Variants in PTPN4 observed in about 807,000 individuals in gnomAD.
The protein encoded by PTPN4 is protein tyrosine phosphatase non-receptor type 4, also known as tyrosine-protein phosphatase non-receptor type 4.
Under a neutral mutation model 135.5 loss-of-function variants are expected in PTPN4, and 49 were observed. That is an observed-to-expected ratio of 0.36 (90% CI 0.29 to 0.46). The LOEUF (loss-of-function observed/expected upper bound fraction) is 0.46, where lower values mean the gene tolerates loss of function less well. PTPN4 is among the 20% of genes least tolerant of loss of function. The probability of loss-of-function intolerance (pLI) is 1.00; values close to 1 mark genes in which losing one functional copy is unlikely to be tolerated. For synonymous variants in PTPN4, 333 were observed against 369.9 expected (o/e 0.90, Z 1.14); for missense variants, 860 against 1,101.0 (o/e 0.78, Z 3.10).
At position 119,877,492 on chromosome 2, in the gene PTPN4, A is replaced by T; in HGVS notation, c.318A>T (p.Arg106Ser). 1 of 1,610,818 alleles carries T rather than the reference A, an allele frequency of 6.2e-7. No homozygotes were observed. The highest frequency in any genetic ancestry group is 2.2e-5 in the East Asian group (1 of 44,752). ...KRGSPYSLNF[R>S]VKFFVSDPNK... Reference sequence around the variant, plus strand: ...GATCTCCTTACAGTTTGAACTTTAGAGTCAAATTTTTTGTAAGTGACCCCA... The same window carrying T: ...GATCTCCTTACAGTTTGAACTTTAGTGTCAAATTTTTTGTAAGTGACCCCA... Residue 106 changes from arginine (R) to serine (S), a missense_variant, in exon 5 of 27, where the codon AGA (arginine) becomes AGT (serine). Coordinates refer to ENST00000263708, the MANE Select transcript of PTPN4 (RefSeq NM_002830.4).
In PTPN4 at chr2:119,811,493, G is replaced by A. The variant is rs151093057; in HGVS notation, c.138+1502G>A. On this transcript the variant is annotated intron_variant, in intron 2 of 26. Coordinates refer to ENST00000263708, the MANE Select transcript of PTPN4 (RefSeq NM_002830.4). Reference sequence around the variant, plus strand: ...GTATTCTATCATCTGTTAATATATAGTTGGAATATAGGTTGCCAAACAGAG... The same window carrying A: ...GTATTCTATCATCTGTTAATATATAATTGGAATATAGGTTGCCAAACAGAG... Among the ~76,000 whole-genome samples the A allele has an allele frequency of 5.9e-4, 90 of 152,180 alleles. No individual in the cohort carries two copies. The East Asian group carries it at 0.016, about 27-fold the overall frequency.
intron 11 of PTPN4, chr2:119,915,953 G>A (rs987437382): frequency 6.6e-6 from 1 of 152,184 alleles, no homozygotes; most frequent in Admixed American, 6.6e-5. Flanking sequence ...CACTTTGAGA[G>A]GCTGAGGTGG....
chr2:119,946,650 A>G, intron 18 of PTPN4, 76 bp downstream of exon 18: 1 of 1,135,792 alleles, frequency 8.8e-7, no homozygotes, highest in South Asian at 1.4e-5. Context: ...ACTAGTTTAA[A>G]TAAAACAAGG....
chr2:119,877,395 C>T, intron 4 of PTPN4, 30 bp downstream of exon 4: 1 of 1,609,558 alleles, frequency 6.2e-7, no homozygotes, highest in Non-Finnish European at 8.5e-7. Flanking sequence ...TAATGTTTTG[C>T]AAGTTTACTT....
chr2:119,861,087 G>A (rs1374759602), intron 2 of PTPN4, among the ~76,000 whole-genome samples: 2 of 151,968 alleles, frequency 1.3e-5, no homozygotes, highest in East Asian at 1.9e-4. Flanking sequence ...GGAGGTCCGG[G>A]ATCAGATGGC....
At chr2:119,760,974 G>A (rs1425027048) in intron 1 of PTPN4, among the ~76,000 whole-genome samples, 1 of 151,954 alleles carries the variant, frequency 6.6e-6, no homozygotes, top group Non-Finnish European at 1.5e-5. Context: ...GTGATGTGTG[G>A]ATGTTTCTGC....
chr2:119,866,719 C>T (rs1014546620), intron 3 of PTPN4, among the ~76,000 whole-genome samples: 8 of 152,012 alleles, frequency 5.3e-5, no homozygotes, highest in African/African-American at 1.9e-4. Context: ...TTATTTATTT[C>T]ATTAGGTTTG....
rs1690458469 is a variant in PTPN4 at position 119,760,350 on chromosome 2, C to T, written c.-52C>T. On this transcript the variant is annotated 5_prime_UTR_variant, in exon 1 of 27. Transcript: ENST00000263708. ...GCGCCGGGGCCTCGAGGCTTTTTTT[C>T]TCCAGCCGAGAGGACGCGGCTGTGA... is the stretch of plus-strand genomic sequence containing the variant. 2.5e-6 allele frequency: 1 copy of T among 393,210 alleles called. No homozygotes were observed. Among genetic ancestry groups the T allele is most frequent in the African/African-American group, 2.1e-5 (1 of 48,474 alleles). 24.4% of individuals were successfully genotyped at this position (393,210 alleles called of 1,614,324 possible). A position where few individuals can be genotyped will look rare whatever the true frequency, so the allele number is the denominator to read the frequency against.
At chr2:119,966,509 C>T (rs545478839) in intron 25 of PTPN4, among the ~76,000 whole-genome samples, 1 of 152,314 alleles carries the variant, frequency 6.6e-6, no homozygotes, top group Admixed American at 6.5e-5. Context: ...CCACCTACTT[C>T]GGCCTCACAA....
chr2:119,963,565 T>A (rs1474503209), intron 24 of PTPN4, among the ~76,000 whole-genome samples: 2 of 152,038 alleles, frequency 1.3e-5, no homozygotes, highest in African/African-American at 2.4e-5. Context: ...CCCAAGAGCA[T>A]GATTAAAGGA....
chr2:119,970,347 A>C (rs918820974), intron 26 of PTPN4, among the ~76,000 whole-genome samples: 2 of 152,162 alleles, frequency 1.3e-5, no homozygotes, highest in Admixed American at 1.3e-4. Context: ...GGCATGAGCC[A>C]CCAGGCCCGG....
At chr2:119,938,101 T>C (rs1181150699) in intron 15 of PTPN4, among the ~76,000 whole-genome samples, 1 of 151,228 alleles carries the variant, frequency 6.6e-6, no homozygotes, top group East Asian at 1.9e-4. Flanking sequence ...ACACGAATAG[T>C]ACTTTTTTTT....
At chr2:119,888,740 T>C (rs564744863) in intron 9 of PTPN4, among the ~76,000 whole-genome samples, 1 of 152,334 alleles carries the variant, frequency 6.6e-6, no homozygotes, top group South Asian at 2.1e-4. Flanking sequence ...TAGTACTTTG[T>C]TCAAGATGTT....
At chr2:119,840,373 G>A (rs1003652318) in intron 2 of PTPN4, among the ~76,000 whole-genome samples, 3 of 152,150 alleles carry the variant, frequency 2.0e-5, no homozygotes, top group African/African-American at 7.2e-5. Context: ...TTGGTTTTCT[G>A]TTCTTGTGTT....
chr2:119,964,892 C>T (rs115740733), intron 24 of PTPN4, among the ~76,000 whole-genome samples: 19 of 152,170 alleles, frequency 1.2e-4, no homozygotes, highest in African/African-American at 4.6e-4. Context: ...GTTCATATTC[C>T]TGCTGTGCAA....
intron 18 of PTPN4, among the ~76,000 whole-genome samples, chr2:119,951,590 A>G (rs951128798): frequency 6.6e-6 from 1 of 152,216 alleles, no homozygotes; most frequent in Non-Finnish European, 1.5e-5. Context: ...TTCACGGTAA[A>G]TGCACTGTGG....
chr2:119,774,936 G>A (rs1322764977), intron 1 of PTPN4, among the ~76,000 whole-genome samples: 1 of 151,802 alleles, frequency 6.6e-6, no homozygotes, highest in Non-Finnish European at 1.5e-5. Context: ...GGAGTCGCAT[G>A]AACCTGGGAG....
chr2:119,852,209 G>A lies in PTPN4; in HGVS notation c.139-10327G>A, dbSNP rs75219962. Reference sequence around the variant, plus strand: ...TCAACCCTACCTCCTTCTTTTTTCCGCTTCTCCTTTTCTTGCAGATTGCGC... The same window carrying A: ...TCAACCCTACCTCCTTCTTTTTTCCACTTCTCCTTTTCTTGCAGATTGCGC... On this transcript the variant is annotated intron_variant, in intron 2 of 26. Coordinates refer to ENST00000263708, the MANE Select transcript of PTPN4 (RefSeq NM_002830.4). Among the ~76,000 whole-genome samples, 408 of 151,922 alleles carry A rather than the reference G, an allele frequency of 2.7e-3. 22 individuals carry two copies. In the East Asian group the frequency reaches 0.057, roughly 21 times the overall value.
At chr2:119,769,591 A>T (rs1474201629) in intron 1 of PTPN4, among the ~76,000 whole-genome samples, 14 of 152,262 alleles carry the variant, frequency 9.2e-5, no homozygotes, top group Non-Finnish European at 7.3e-5. Context: ...TGTACAATGA[A>T]TATAGATGAG....
Sources: gnomAD v4.1 joint callset for allele counts (sites outside exome capture counted in the v4.1 genomes callset) on GRCh38, gnomAD v4.1.1 for gene constraint, MANE v1.5 for transcripts, NCBI Gene and HGNC (gene_info 2026-07-23, HGNC 2026-07-21) for gene names.